KLHL1: variants seen among roughly 807,000 people sequenced by gnomAD.
The protein encoded by KLHL1 is kelch like family member 1.
Under a neutral mutation model 77.7 loss-of-function variants are expected in KLHL1, and 47 were observed. The observed-to-expected ratio is 0.60, with a 90% CI of 0.48 to 0.77. The LOEUF is 0.77. KLHL1 is among the 30% of genes least tolerant of loss of function. The pLI is 0.00. For missense variants in KLHL1, 925 were observed against 910.8 expected (o/e 1.02, Z -0.20); for synonymous variants, 360 against 325.2 (o/e 1.11, Z -1.15).
intron 6 of KLHL1, among the ~76,000 whole-genome samples, chr13:69,815,123 G>C (rs1368487882): frequency 6.6e-6 from 1 of 152,188 alleles, no homozygotes; most frequent in Non-Finnish European, 1.5e-5. Context: ...AATAACTTTA[G>C]TCCTTACAGA....
chr13:70,018,051 C>CAA (rs3072681), intron 1 of KLHL1, among the ~76,000 whole-genome samples: 81,161 of 151,236 alleles, frequency 0.54, 21,972 homozygotes, highest in Non-Finnish European at 0.57. Flanking sequence ...AGAACTAGCG[C>CAA]AAAAAAAAGT....
At chr13:69,752,813 G>A (rs901378744) in intron 7 of KLHL1, among the ~76,000 whole-genome samples, 4 of 152,136 alleles carry the variant, frequency 2.6e-5, no homozygotes, top group Admixed American at 6.6e-5. Flanking sequence ...GGCCATAAGC[G>A]AATAGGTATT....
chr13:70,039,778 T>C (rs933587666), intron 1 of KLHL1, among the ~76,000 whole-genome samples: 5 of 151,678 alleles, frequency 3.3e-5, no homozygotes, highest in Non-Finnish European at 7.4e-5. Flanking sequence ...TAGCTGGAAC[T>C]ATAGGTATGT....
chr13:69,737,737 T>A (rs1465512177), intron 8 of KLHL1, among the ~76,000 whole-genome samples: 1 of 152,174 alleles, frequency 6.6e-6, no homozygotes, highest in Non-Finnish European at 1.5e-5. Flanking sequence ...AGAACTCTGA[T>A]ATCCCTGAGA....
intron 5 of KLHL1, among the ~76,000 whole-genome samples, chr13:69,864,472 A>G (rs1225549840): frequency 6.6e-6 from 1 of 152,042 alleles, no homozygotes; most frequent in African/African-American, 2.4e-5. Flanking sequence ...ATGAAATTTT[A>G]AAAGCCAAAT....
At chr13:69,729,907 A>AT (rs1202339891) in intron 8 of KLHL1, among the ~76,000 whole-genome samples, 1 of 152,158 alleles carries the variant, frequency 6.6e-6, no homozygotes, top group Non-Finnish European at 1.5e-5. Context: ...ACACTCTGAT[A>AT]TTTTTTACGA....
At chr13:69,873,400 G>A (rs1336405183) in intron 5 of KLHL1, among the ~76,000 whole-genome samples, 5 of 151,944 alleles carry the variant, frequency 3.3e-5, no homozygotes, top group African/African-American at 9.7e-5. Context: ...CTCAAATTAG[G>A]TATTAGAGGA....
chr13:69,768,599 A>G (rs1293274565), intron 7 of KLHL1, among the ~76,000 whole-genome samples: 3 of 152,158 alleles, frequency 2.0e-5, no homozygotes, highest in African/African-American at 7.2e-5. Flanking sequence ...AATTTTCTCT[A>G]TGAAAAAATT....
intron 1 of KLHL1, among the ~76,000 whole-genome samples, chr13:70,026,703 GGTGT>G (rs3072710): frequency 0.45 from 38,196 of 84,404 alleles, 5,551 homozygotes; most frequent in African/African-American, 0.52. Context: ...AAGAACTTAG[GGTGT>G]GTGTGTGTGT....
At chr13:69,702,887 C>T (rs1875460392) in intron 10 of KLHL1, among the ~76,000 whole-genome samples, 1 of 151,708 alleles carries the variant, frequency 6.6e-6, no homozygotes, top group Admixed American at 6.6e-5. Context: ...TAGGTCACCA[C>T]TCTTATCTTC....
intron 6 of KLHL1, among the ~76,000 whole-genome samples, chr13:69,838,053 A>AT (rs1198110840): frequency 6.6e-6 from 1 of 151,700 alleles, no homozygotes; most frequent in Non-Finnish European, 1.5e-5. Context: ...CAGCCATAGG[A>AT]TATCCTTTTG....
chr13:70,057,812 A>C lies in KLHL1; in HGVS notation c.497+49391T>G, dbSNP rs1006755909. On this transcript the variant is annotated intron_variant, in intron 1 of 10. Transcript: ENST00000377844. ...AAAAAAAAAAAAAAAAAAAGAAAGAAAGAAAAGAAAAACAAAGAAAAGGCC... is the reference window on the plus strand; with the variant it reads ...AAAAAAAAAAAAAAAAAAAGAAAGACAGAAAAGAAAAACAAAGAAAAGGCC... 9.9e-4 allele frequency among the ~76,000 whole-genome samples: 149 copies of C among 150,660 alleles called. 10 individuals carry two copies. The highest frequency in any genetic ancestry group is 1.5e-4 in the Non-Finnish European group (10 of 67,602).
intron 8 of KLHL1, among the ~76,000 whole-genome samples, chr13:69,721,403 G>A (rs1374123582): frequency 6.6e-6 from 1 of 151,480 alleles, no homozygotes; most frequent in Non-Finnish European, 1.5e-5. Context: ...CAGGTCTCCC[G>A]AGGCTGTGTA....
chr13:69,990,186 A>G (rs1388808566), intron 1 of KLHL1, among the ~76,000 whole-genome samples: 1 of 152,038 alleles, frequency 6.6e-6, no homozygotes, highest in Non-Finnish European at 1.5e-5. Flanking sequence ...AGCACTAAAG[A>G]TGGAAAGACC....
At chr13:69,790,027 A>G (rs1036673119) in intron 7 of KLHL1, among the ~76,000 whole-genome samples, 3 of 152,000 alleles carry the variant, frequency 2.0e-5, no homozygotes, top group Non-Finnish European at 4.4e-5. Flanking sequence ...TGTGGTCTCT[A>G]TTTAACTATC....
chr13:69,868,490 T>G (rs1880456974), intron 5 of KLHL1, among the ~76,000 whole-genome samples: 1 of 152,070 alleles, frequency 6.6e-6, no homozygotes, highest in Admixed American at 6.6e-5. Context: ...TAAATTTAAA[T>G]GAAACATTTA....
intron 5 of KLHL1, among the ~76,000 whole-genome samples, chr13:69,842,310 T>C (rs1366175068): frequency 6.6e-6 from 1 of 151,512 alleles, no homozygotes; most frequent in Non-Finnish European, 1.5e-5. Context: ...AGAGGACAAA[T>C]ACGCAGAATG....
chr13:69,916,199 A>G (rs1882429603), intron 4 of KLHL1, among the ~76,000 whole-genome samples: 1 of 152,136 alleles, frequency 6.6e-6, no homozygotes, highest in African/African-American at 2.4e-5. Flanking sequence ...TCAGGGATCT[A>G]GAACTAGAAA....
At chr13:69,723,083 A>T (rs1158565017) in intron 8 of KLHL1, among the ~76,000 whole-genome samples, 1 of 152,076 alleles carries the variant, frequency 6.6e-6, no homozygotes, top group Non-Finnish European at 1.5e-5. Context: ...CAGAAAGACA[A>T]ATACCACATT....
Sources: allele counts gnomAD v4.1 joint callset (sites outside exome capture counted in the v4.1 genomes callset), GRCh38; gene constraint gnomAD v4.1.1; transcripts MANE v1.5; gene names NCBI Gene and HGNC (gene_info 2026-07-23, HGNC 2026-07-21).